ACER3: variants seen among roughly 807,000 people sequenced by gnomAD.
ACER3 encodes the protein alkCDase 3.
ACER3 carries 16 observed loss-of-function variants against 48.9 expected under a neutral mutation model. The observed-to-expected ratio is 0.33, with a 90% CI of 0.22 to 0.50. The LOEUF (loss-of-function observed/expected upper bound fraction) is 0.50. Among genes scored for constraint, ACER3 ranks in the 20% least tolerant of loss-of-function variants. The pLI, the probability that ACER3 is intolerant of heterozygous loss-of-function variation, is 0.98. For synonymous variants in ACER3, 109 were observed against 107.8 expected (o/e 1.01, Z -0.07); for missense variants, 227 against 326.0 (o/e 0.70, Z 2.34).
At chr11:76,982,847 T>C (rs1287371578) in intron 4 of ACER3, among the ~76,000 whole-genome samples, 1 of 152,220 alleles carries the variant, frequency 6.6e-6, no homozygotes, top group Non-Finnish European at 1.5e-5. Flanking sequence ...TCAAAGATCA[T>C]GTTTTCCTTA....
intron 8 of ACER3, among the ~76,000 whole-genome samples, chr11:77,016,077 A>G (rs1020819119): frequency 4.7e-5 from 7 of 148,800 alleles, no homozygotes; most frequent in African/African-American, 1.7e-4. Flanking sequence ...ACTGTACTCC[A>G]GCCTGGGCGA....
intron 1 of ACER3, among the ~76,000 whole-genome samples, chr11:76,907,871 AAAAAAT>A (rs1327852480): frequency 6.6e-6 from 1 of 150,548 alleles, no homozygotes; most frequent in African/African-American, 2.4e-5. Context: ...ATCCTGTCTC[AAAAAAT>A]AAAAATAAAA....
intron 1 of ACER3, among the ~76,000 whole-genome samples, chr11:76,924,278 A>G (rs1187228314): frequency 6.6e-6 from 1 of 152,102 alleles, no homozygotes; most frequent in African/African-American, 2.4e-5. Flanking sequence ...ATTTCAGGTA[A>G]GAGGATAAAT....
At chr11:76,974,054 T>C (rs1948375510) in intron 3 of ACER3, among the ~76,000 whole-genome samples, 2 of 152,238 alleles carry the variant, frequency 1.3e-5, no homozygotes, top group African/African-American at 4.8e-5. Flanking sequence ...GTTTATCAGC[T>C]CTCAATTCTA....
chr11:76,921,773 T>A (rs1330071142), intron 1 of ACER3, among the ~76,000 whole-genome samples: 2 of 152,204 alleles, frequency 1.3e-5, no homozygotes, highest in Admixed American at 1.3e-4. Context: ...ATATGTGATG[T>A]GTTTTGATGC....
At chr11:76,979,738 G>A (rs183710945) in intron 4 of ACER3, among the ~76,000 whole-genome samples, 224 of 152,248 alleles carry the variant, frequency 1.5e-3, no homozygotes, top group Non-Finnish European at 2.4e-3. Context: ...TTGTAGGACA[G>A]GAGTCTCTGT....
chr11:76,990,643 T>A, intron 6 of ACER3, 69 bp downstream of exon 6: 1 of 1,041,452 alleles, frequency 9.6e-7, no homozygotes. Flanking sequence ...TTTCCTTGTC[T>A]AAGAAATGAT....
intron 4 of ACER3, among the ~76,000 whole-genome samples, chr11:76,980,566 C>T (rs1948562555): frequency 6.6e-6 from 1 of 152,058 alleles, no homozygotes; most frequent in African/African-American, 2.4e-5. Flanking sequence ...GTCCCAGCTA[C>T]ACAGGAGGCT....
intron 1 of ACER3, among the ~76,000 whole-genome samples, chr11:76,872,029 C>T (rs1355298423): frequency 2.1e-5 from 3 of 144,604 alleles, no homozygotes; most frequent in Admixed American, 1.4e-4. Flanking sequence ...CTCTCCCCAC[C>T]CACCACCCCC....
At chr11:76,999,418 T>C (rs930045162) in intron 7 of ACER3, among the ~76,000 whole-genome samples, 7 of 151,830 alleles carry the variant, frequency 4.6e-5, no homozygotes, top group Non-Finnish European at 1.0e-4. Flanking sequence ...AGTATCTAGA[T>C]AACTGTAAAA....
chr11:76,925,494 T>C (rs1445022369), intron 1 of ACER3, among the ~76,000 whole-genome samples: 1 of 152,260 alleles, frequency 6.6e-6, no homozygotes, highest in Non-Finnish European at 1.5e-5. Context: ...TTTTTTAATT[T>C]ATCAAATTAT....
At chr11:76,969,817 G>C in intron 3 of ACER3, among the ~76,000 whole-genome samples, 1 of 110,726 alleles carries the variant, frequency 9.0e-6, no homozygotes, top group Non-Finnish European at 1.7e-5. Flanking sequence ...AGGGGGGAGG[G>C]ATAGCATTAG....
intron 1 of ACER3, among the ~76,000 whole-genome samples, chr11:76,877,192 C>T (rs987168420): frequency 5.3e-5 from 8 of 152,038 alleles, no homozygotes; most frequent in African/African-American, 1.9e-4. Context: ...AAGTAAGTAC[C>T]TCAGGGTTGA....
intron 2 of ACER3, among the ~76,000 whole-genome samples, chr11:76,952,788 C>T (rs565155663): frequency 6.6e-6 from 1 of 151,652 alleles, no homozygotes; most frequent in East Asian, 2.0e-4. Flanking sequence ...GCCTCAGCCT[C>T]CCAAGTAGCT....
chr11:76,874,166 A>G (rs1565153118), intron 1 of ACER3, among the ~76,000 whole-genome samples: 1 of 152,218 alleles, frequency 6.6e-6, no homozygotes, highest in Non-Finnish European at 1.5e-5. Flanking sequence ...ACAGCTGGCC[A>G]TTGGACTTGG....
rs540547832 is a variant in ACER3, at chr11:77,020,482, G to C, written c.*155G>C. On this transcript the variant is annotated 3_prime_UTR_variant, in exon 11 of 11. Transcript: ENST00000532485. ...ATGCTGCCACCCACACAGAGAATAA[G>C]GAGTAGGGCCTGCTGGGTGTTTAGC... The C allele has an allele frequency of 9.7e-5, 73 of 755,304 alleles. No individual in the cohort carries two copies. Among genetic ancestry groups the C allele is most frequent in the Non-Finnish European group, 1.3e-4 (61 of 474,984 alleles). 46.8% of individuals were successfully genotyped at this position (755,304 alleles called of 1,614,324 possible). A position where few individuals can be genotyped will look rare whatever the true frequency, so the allele number is the denominator to read the frequency against.
intron 2 of ACER3, among the ~76,000 whole-genome samples, chr11:76,957,067 A>T (rs1389877872): frequency 6.6e-6 from 1 of 152,102 alleles, no homozygotes; most frequent in Non-Finnish European, 1.5e-5. Context: ...GCATTCTTGG[A>T]TTTCCTTCAC....
At chr11:76,962,641 C>T (rs1283691846) in intron 3 of ACER3, among the ~76,000 whole-genome samples, 1 of 151,480 alleles carries the variant, frequency 6.6e-6, no homozygotes, top group Non-Finnish European at 1.5e-5. Flanking sequence ...AATGTCTAGG[C>T]TCTTGGCACC....
Position 77,020,316 on chromosome 11 carries a change from A to C in ACER3, c.793A>C (p.Arg265=). 1 of 1,613,690 alleles carries C rather than the reference A, an allele frequency of 6.2e-7. No individual in the cohort carries two copies. The change falls in exon 11 of 11, where the codon AGG becomes CGG. Residue 265 remains arginine (R), a synonymous_variant. Transcript: ENST00000532485. ...IWPVILFEPL[R]KH ...GCCAGTGATCCTGTTTGAGCCTCTC[A>C]GGAAGCATTGATGAATCATTCCACC...
Sources: gnomAD v4.1 joint callset for allele counts (sites outside exome capture counted in the v4.1 genomes callset) on GRCh38, gnomAD v4.1.1 for gene constraint, MANE v1.5 for transcripts, NCBI Gene and HGNC (gene_info 2026-07-23, HGNC 2026-07-21) for gene names.